RASA1: variants seen among roughly 807,000 people sequenced by gnomAD.
The protein encoded by RASA1 is RAS p21 protein activator 1, also known as ras GTPase-activating protein 1.
RASA1 carries 25 observed loss-of-function variants against 132.2 expected under a neutral mutation model. The ratio of observed to expected loss-of-function variants is 0.19; its 90% CI spans 0.14 to 0.26. The LOEUF is 0.26. Ranked by LOEUF, RASA1 falls within the 10% of genes least tolerant of loss-of-function variation. The pLI is 1.00. For missense variants in RASA1, 964 were observed against 1,299.2 expected, an observed-to-expected ratio of 0.74 and a Z score of 3.97; for synonymous variants, 477 against 449.9, an observed-to-expected ratio of 1.06 and a Z score of -0.76.
intron 1 of RASA1, chr5:87,299,586 A>T (rs1755270976): frequency 6.6e-6 from 1 of 152,160 alleles, no homozygotes; most frequent in Non-Finnish European, 1.5e-5. Context: ...GCATATATGT[A>T]GTGAAGTAAT....
At chr5:87,295,066 A>G (rs994338488) in intron 1 of RASA1, among the ~76,000 whole-genome samples, 4 of 152,044 alleles carry the variant, frequency 2.6e-5, no homozygotes, top group African/African-American at 9.7e-5. Context: ...TTCTTGAGGT[A>G]TTGATCCCTT....
intron 8 of RASA1, among the ~76,000 whole-genome samples, chr5:87,351,748 T>G (rs902369924): frequency 6.6e-6 from 1 of 151,758 alleles, no homozygotes; most frequent in Non-Finnish European, 1.5e-5. Flanking sequence ...AAAAAACTCT[T>G]AAGTCTAGCT....
chr5:87,328,608 A>G (rs998109384), intron 1 of RASA1, among the ~76,000 whole-genome samples: 6 of 152,122 alleles, frequency 3.9e-5, no homozygotes, highest in African/African-American at 1.4e-4. Flanking sequence ...TCCCACCTGA[A>G]ATAAAAAGAA....
chr5:87,334,930 C>T (rs1006403641), intron 4 of RASA1, among the ~76,000 whole-genome samples: 1 of 152,068 alleles, frequency 6.6e-6, no homozygotes, highest in Admixed American at 6.6e-5. Context: ...GTTACCCAGG[C>T]TGGAGTGCAG....
intron 1 of RASA1, among the ~76,000 whole-genome samples, chr5:87,313,456 T>TA (rs1162839042): frequency 1.3e-5 from 2 of 152,220 alleles, no homozygotes; most frequent in African/African-American, 2.4e-5. Flanking sequence ...TTTGGCTAGA[T>TA]ACGTGGATTT....
intron 1 of RASA1, among the ~76,000 whole-genome samples, chr5:87,319,154 G>T (rs1756578893): frequency 6.6e-6 from 1 of 152,210 alleles, no homozygotes. Flanking sequence ...GGCTCTGCAG[G>T]ATACAGCCCC....
intron 1 of RASA1, among the ~76,000 whole-genome samples, chr5:87,287,802 C>CACCATATATAT (rs1754718351): frequency 7.0e-6 from 1 of 142,946 alleles, no homozygotes; most frequent in African/African-American, 2.6e-5. Flanking sequence ...TATATATACA[C>CACCATATATAT]ACCATATATA....
chr5:87,359,962 A>C (rs1057048449), intron 9 of RASA1, among the ~76,000 whole-genome samples: 3 of 152,140 alleles, frequency 2.0e-5, no homozygotes, highest in Admixed American at 2.0e-4. Context: ...CCATCTTGTA[A>C]ACTCTGATTC....
chr5:87,339,879 C>T (rs1430958435), intron 5 of RASA1, among the ~76,000 whole-genome samples: 2 of 152,040 alleles, frequency 1.3e-5, no homozygotes, highest in African/African-American at 4.8e-5. Flanking sequence ...GATTGAAAAA[C>T]CATTTGGACA....
chr5:87,363,088 CA>C (rs900392051), intron 10 of RASA1, among the ~76,000 whole-genome samples: 3 of 151,826 alleles, frequency 2.0e-5, no homozygotes, highest in Non-Finnish European at 2.9e-5. Context: ...AGAATTCTGA[CA>C]ATTTCATCAT....
intron 1 of RASA1, among the ~76,000 whole-genome samples, chr5:87,327,868 G>A (rs1757340522): frequency 6.6e-6 from 1 of 151,814 alleles, no homozygotes; most frequent in Non-Finnish European, 1.5e-5. Context: ...GGGAGGCAGA[G>A]ACAGGAGAAT....
At chr5:87,387,008 A>G (rs956260918) in intron 23 of RASA1, 105 bp downstream of exon 23, 2 of 1,076,698 alleles carry the variant, frequency 1.9e-6, no homozygotes, top group African/African-American at 1.6e-5. Flanking sequence ...TCCAAAACTA[A>G]AAAGACAAAA....
intron 22 of RASA1, among the ~76,000 whole-genome samples, chr5:87,386,493 C>T (rs776868330): frequency 3.9e-5 from 6 of 151,958 alleles, no homozygotes; most frequent in Non-Finnish European, 7.4e-5. Context: ...TATATATAAA[C>T]AATTTGTGTC....
chr5:87,333,241 A>T, intron 3 of RASA1, 26 bp from the exon 4 acceptor site: 1 of 1,609,036 alleles, frequency 6.2e-7, no homozygotes, highest in Non-Finnish European at 8.5e-7. Context: ...TATCTTTTTA[A>T]ATCTTTTTTT....
intron 18 of RASA1, among the ~76,000 whole-genome samples, chr5:87,378,795 G>C (rs1761501592): frequency 1.3e-5 from 2 of 152,176 alleles, no homozygotes; most frequent in South Asian, 2.1e-4. Flanking sequence ...TTCCTCTACT[G>C]TACTAATAAT....
chr5:87,305,457 A>G (rs1177209813), intron 1 of RASA1, among the ~76,000 whole-genome samples: 1 of 152,218 alleles, frequency 6.6e-6, no homozygotes, highest in Non-Finnish European at 1.5e-5. Flanking sequence ...GATTGAAACT[A>G]GACCCTTTCC....
At chr5:87,370,630 AG>A (rs1262837843) in intron 12 of RASA1, among the ~76,000 whole-genome samples, 5 of 152,284 alleles carry the variant, frequency 3.3e-5, no homozygotes, top group Admixed American at 3.3e-4. Flanking sequence ...ACTGTAAGCC[AG>A]CCTAGGCAAC....
At chr5:87,290,278 A>G (rs1429541151) in intron 1 of RASA1, among the ~76,000 whole-genome samples, 1 of 152,242 alleles carries the variant, frequency 6.6e-6, no homozygotes, top group East Asian at 1.9e-4. Flanking sequence ...CAGTTTGAGT[A>G]AAATGGTGAA....
chr5:87,318,659 C>T (rs1706116039), intron 1 of RASA1: 1 of 152,214 alleles, frequency 6.6e-6, no homozygotes, highest in African/African-American at 2.4e-5. Flanking sequence ...ATGATCCAAT[C>T]ACCTCCTACC....
Sources: allele counts gnomAD v4.1 joint callset (sites outside exome capture counted in the v4.1 genomes callset), GRCh38; gene constraint gnomAD v4.1.1; transcripts MANE v1.5; gene names NCBI Gene and HGNC (gene_info 2026-07-23, HGNC 2026-07-21).